Variants in ADAMTSL3 observed in about 807,000 individuals in gnomAD.
The protein encoded by ADAMTSL3 is ADAMTS-like protein 3.
ADAMTSL3 carries 128 observed loss-of-function variants against 201.7 expected under a neutral mutation model. That is an observed-to-expected ratio of 0.63 (90% CI 0.55 to 0.73). The LOEUF is 0.73. Ranked by LOEUF, ADAMTSL3 falls within the 30% of genes least tolerant of loss-of-function variation. The pLI, the probability that ADAMTSL3 is intolerant of heterozygous loss-of-function variation, is 0.00. For synonymous variants in ADAMTSL3, 738 were observed against 748.4 expected (o/e 0.99, Z 0.23); for missense variants, 1,990 against 2,119.6 (o/e 0.94, Z 1.20).
chr15:83,856,888 C>T (rs575871675), intron 7 of ADAMTSL3, among the ~76,000 whole-genome samples: 3 of 152,166 alleles, frequency 2.0e-5, no homozygotes, highest in Non-Finnish European at 4.4e-5. Context: ...ACTTGCCATA[C>T]TATTTTCCAT....
Position 83,864,499 on chromosome 15 carries a change from C to G in ADAMTSL3, c.802+5659C>G, listed in dbSNP as rs574963281. 8.5e-5 allele frequency among the ~76,000 whole-genome samples: 13 copies of G among 152,232 alleles called. No individual in the cohort carries two copies. The East Asian group carries it at 2.3e-3, about 27-fold the overall frequency. The stretch of plus-strand genomic sequence containing the variant: ...AACGTAATCCAGCATATAAATAGAA[C>G]CAAAGACAAAAACCACATGATTATC... On this transcript the variant is annotated intron_variant, in intron 8 of 29. Transcript: ENST00000286744.
chr15:83,971,330 G>A (rs913604534), intron 20 of ADAMTSL3, among the ~76,000 whole-genome samples: 2 of 152,024 alleles, frequency 1.3e-5, no homozygotes, highest in African/African-American at 2.4e-5. Context: ...GACTGAGGTG[G>A]GTGGATCATG....
At chr15:83,955,102 G>A (rs1392252473) in intron 19 of ADAMTSL3, among the ~76,000 whole-genome samples, 4 of 152,172 alleles carry the variant, frequency 2.6e-5, no homozygotes, top group South Asian at 2.1e-4. Flanking sequence ...TTCCCTTCAG[G>A]GAGGCAAGTT....
intron 5 of ADAMTSL3, among the ~76,000 whole-genome samples, chr15:83,816,300 G>A (rs1399937639): frequency 6.6e-6 from 1 of 152,154 alleles, no homozygotes; most frequent in Admixed American, 6.5e-5. Flanking sequence ...TGTTGCAATC[G>A]CAAATTTCTG....
chr15:83,960,510 GA>G (rs1000072968), intron 19 of ADAMTSL3, among the ~76,000 whole-genome samples: 1 of 151,662 alleles, frequency 6.6e-6, no homozygotes, highest in Non-Finnish European at 1.5e-5. Flanking sequence ...AAGTACCTCG[GA>G]AAAAAAACTG....
At chr15:83,798,840 A>G (rs997034143) in intron 4 of ADAMTSL3, among the ~76,000 whole-genome samples, 2 of 151,660 alleles carry the variant, frequency 1.3e-5, no homozygotes, top group South Asian at 2.1e-4. Flanking sequence ...AAAAAGGACA[A>G]TAACACCACT....
intron 6 of ADAMTSL3, among the ~76,000 whole-genome samples, chr15:83,824,407 A>AC (rs1280693005): frequency 2.0e-5 from 3 of 152,140 alleles, no homozygotes; most frequent in Non-Finnish European, 4.4e-5. Flanking sequence ...CCTTAAACGC[A>AC]CAGCCTCCCC....
intron 17 of ADAMTSL3, among the ~76,000 whole-genome samples, chr15:83,940,682 A>G (rs1057133277): frequency 6.6e-6 from 1 of 152,186 alleles, no homozygotes; most frequent in African/African-American, 2.4e-5. Context: ...TCTGTTGATT[A>G]ATTTGCTTCT....
chr15:83,716,197 T>C (rs1459355928), intron 3 of ADAMTSL3, among the ~76,000 whole-genome samples: 1 of 152,184 alleles, frequency 6.6e-6, no homozygotes, highest in African/African-American at 2.4e-5. Flanking sequence ...CTGAGTTTGC[T>C]TTAAGAAATA....
At chr15:84,031,775 T>A (rs975843870) in intron 28 of ADAMTSL3, among the ~76,000 whole-genome samples, 1 of 152,204 alleles carries the variant, frequency 6.6e-6, no homozygotes, top group Non-Finnish European at 1.5e-5. Context: ...GCTTACAGAT[T>A]AAATCTTCTT....
chr15:83,731,400 G>C (rs547071056), intron 3 of ADAMTSL3, among the ~76,000 whole-genome samples: 2 of 152,184 alleles, frequency 1.3e-5, no homozygotes, highest in African/African-American at 4.8e-5. Flanking sequence ...AAATAGACAA[G>C]AGATAATAAG....
chr15:83,939,394 C>T (rs922893537), intron 17 of ADAMTSL3, among the ~76,000 whole-genome samples: 7 of 151,846 alleles, frequency 4.6e-5, no homozygotes, highest in South Asian at 4.2e-4. Context: ...AAGACTATTC[C>T]GATTTCTCTT....
At chr15:83,698,776 A>G (rs1487684489) in intron 2 of ADAMTSL3, among the ~76,000 whole-genome samples, 2 of 152,132 alleles carry the variant, frequency 1.3e-5, no homozygotes, top group African/African-American at 2.4e-5. Context: ...GAAAAACTGC[A>G]CCATAACTAC....
intron 2 of ADAMTSL3, among the ~76,000 whole-genome samples, chr15:83,699,622 C>T (rs1346879501): frequency 6.6e-6 from 1 of 152,218 alleles, no homozygotes; most frequent in African/African-American, 2.4e-5. Flanking sequence ...CGTCTCCTTA[C>T]CATAAGGCTT....
chr15:83,889,504 G>A (rs375200563), intron 10 of ADAMTSL3, among the ~76,000 whole-genome samples: 22 of 152,260 alleles, frequency 1.4e-4, no homozygotes, highest in African/African-American at 5.3e-4. Context: ...CATTTATTAA[G>A]TTAAAAACAG....
rs183289521 is a variant in ADAMTSL3, at chr15:83,873,809, C to G, written c.960+2850C>G. On this transcript the variant is annotated intron_variant, in intron 9 of 29. Transcript: ENST00000286744. ...TGCTTTGTCAGCAGAGCTGTTTGCC[C>G]TGCGGATTTGACAGCAGTGGTATGG... is the stretch of plus-strand genomic sequence containing the variant. Among the ~76,000 whole-genome samples the G allele has an allele frequency of 1.4e-5, 2 of 145,984 alleles. 1 individual carries two copies. Among genetic ancestry groups the G allele is most frequent in the Non-Finnish European group, 3.0e-5 (2 of 66,854 alleles).
At chr15:83,934,874 A>T (rs985278566) in intron 17 of ADAMTSL3, among the ~76,000 whole-genome samples, 2 of 152,246 alleles carry the variant, frequency 1.3e-5, no homozygotes, top group African/African-American at 2.4e-5. Flanking sequence ...CATAAAAAAG[A>T]ATGAAATCTT....
intron 8 of ADAMTSL3, among the ~76,000 whole-genome samples, chr15:83,864,573 C>A (rs997883337): frequency 6.6e-6 from 1 of 152,116 alleles, no homozygotes; most frequent in African/African-American, 2.4e-5. Flanking sequence ...ACGCTTCATG[C>A]TAAAAACTCT....
chr15:83,840,527 A>T (rs935340233), intron 7 of ADAMTSL3, among the ~76,000 whole-genome samples: 1 of 152,164 alleles, frequency 6.6e-6, no homozygotes, highest in African/African-American at 2.4e-5. Flanking sequence ...GAACACCGTG[A>T]GGTGTTCCAG....
Sources: gnomAD v4.1 joint callset for allele counts (sites outside exome capture counted in the v4.1 genomes callset) on GRCh38, gnomAD v4.1.1 for gene constraint, MANE v1.5 for transcripts, NCBI Gene and HGNC (gene_info 2026-07-23, HGNC 2026-07-21) for gene names.